Variants in RBFOX1 observed in about 807,000 individuals in gnomAD.
RBFOX1 encodes the protein RNA binding protein fox-1 homolog 1.
RBFOX1 carries 8 observed loss-of-function variants against 57.7 expected under a neutral mutation model. That is an observed-to-expected ratio of 0.14 (90% CI 0.08 to 0.25). The LOEUF (loss-of-function observed/expected upper bound fraction) is 0.25. Among genes scored for constraint, RBFOX1 ranks in the 10% least tolerant of loss-of-function variants. The pLI, the probability that RBFOX1 is intolerant of heterozygous loss-of-function variation, is 1.00. For missense variants in RBFOX1, 611 were observed against 548.5 expected (o/e 1.11, Z -1.14); for synonymous variants, 326 against 222.4 (o/e 1.47, Z -4.15).
intron 1 of RBFOX1, among the ~76,000 whole-genome samples, chr16:6,101,316 A>C (rs997811226): frequency 1.3e-5 from 2 of 152,134 alleles, no homozygotes; most frequent in African/African-American, 4.8e-5. Context: ...ACATGCAGAC[A>C]GTTGTAAAAA....
chr16:5,901,035 C>T (rs1001754544), intron 4 of RBFOX1, among the ~76,000 whole-genome samples: 1 of 152,198 alleles, frequency 6.6e-6, no homozygotes, highest in African/African-American at 2.4e-5. Context: ...GCAGAGATAC[C>T]TGCCTCCTCT....
At chr16:7,246,633 C>CTT (rs56654382) in intron 4 of RBFOX1, among the ~76,000 whole-genome samples, 65 of 105,472 alleles carry the variant, frequency 6.2e-4, no homozygotes, top group South Asian at 5.9e-3. Context: ...TGGTCACCTC[C>CTT]TTTTTTTTTT....
intron 2 of RBFOX1, among the ~76,000 whole-genome samples, chr16:5,514,434 T>A (rs2043715398): frequency 6.6e-6 from 1 of 152,120 alleles, no homozygotes; most frequent in Non-Finnish European, 1.5e-5. Context: ...TCTGCTGCCT[T>A]CTCCTGGACA....
At chr16:5,779,901 G>A (rs1327457740) in intron 3 of RBFOX1, among the ~76,000 whole-genome samples, 1 of 152,152 alleles carries the variant, frequency 6.6e-6, no homozygotes, top group Non-Finnish European at 1.5e-5. Flanking sequence ...TAAAATAAAT[G>A]GAGATGGTAA....
chr16:7,263,275 A>G (rs1231826809), intron 4 of RBFOX1, among the ~76,000 whole-genome samples: 3 of 152,184 alleles, frequency 2.0e-5, no homozygotes, highest in African/African-American at 4.8e-5. Context: ...CAGGAAGCAC[A>G]GGGGAGTTGA....
intron 4 of RBFOX1, among the ~76,000 whole-genome samples, chr16:7,239,087 G>A (rs77127241): frequency 6.6e-6 from 1 of 152,130 alleles, no homozygotes; most frequent in Non-Finnish European, 1.5e-5. Flanking sequence ...ATTGTGAATA[G>A]TGCTGCATTG....
intron 4 of RBFOX1, among the ~76,000 whole-genome samples, chr16:5,912,148 G>C (rs1213313542): frequency 1.3e-5 from 2 of 152,168 alleles, no homozygotes; most frequent in African/African-American, 4.8e-5. Context: ...TCTGCCATTT[G>C]CTAACGTTTG....
intron 2 of RBFOX1, among the ~76,000 whole-genome samples, chr16:5,548,793 C>T (rs896888032): frequency 2.6e-5 from 4 of 152,110 alleles, no homozygotes; most frequent in African/African-American, 4.8e-5. Context: ...CACACTTAAA[C>T]ACTAAATTCA....
At chr16:5,994,475 C>A (rs1238907583) in intron 4 of RBFOX1, among the ~76,000 whole-genome samples, 3 of 152,128 alleles carry the variant, frequency 2.0e-5, no homozygotes, top group African/African-American at 7.2e-5. Flanking sequence ...AGGTCTTGAG[C>A]AAACTGAAAG....
intron 3 of RBFOX1, among the ~76,000 whole-genome samples, chr16:6,772,747 G>A (rs1487762493): frequency 6.6e-6 from 1 of 150,536 alleles, no homozygotes; most frequent in Non-Finnish European, 1.5e-5. Context: ...GGTTTGGAGT[G>A]CATTTGTGTG....
At chr16:5,517,636 T>C (rs2043840848) in intron 2 of RBFOX1, among the ~76,000 whole-genome samples, 1 of 152,192 alleles carries the variant, frequency 6.6e-6, no homozygotes, top group African/African-American at 2.4e-5. Context: ...GGAAATAATG[T>C]TTGGCATCTC....
chr16:5,243,765 A>C (rs893049156), intron 1 of RBFOX1, among the ~76,000 whole-genome samples: 1 of 152,198 alleles, frequency 6.6e-6, no homozygotes, highest in African/African-American at 2.4e-5. Flanking sequence ...TGGAAAATTA[A>C]TACTACTGCA....
chr16:7,222,641 T>C (rs1044008614), intron 4 of RBFOX1, among the ~76,000 whole-genome samples: 4 of 152,204 alleles, frequency 2.6e-5, no homozygotes, highest in African/African-American at 9.6e-5. Flanking sequence ...CATTTACAAG[T>C]TTGTTAGCCC....
At chr16:6,048,143 A>G (rs985926748) in intron 1 of RBFOX1, among the ~76,000 whole-genome samples, 1 of 152,200 alleles carries the variant, frequency 6.6e-6, no homozygotes, top group Non-Finnish European at 1.5e-5. Flanking sequence ...GATTTAATCT[A>G]TATAACAGCT....
At chr16:5,259,285 C>A (rs557579948) in intron 1 of RBFOX1, among the ~76,000 whole-genome samples, 2 of 152,074 alleles carry the variant, frequency 1.3e-5, no homozygotes, top group African/African-American at 4.8e-5. Flanking sequence ...TACACCAATT[C>A]CTGGAGCTCA....
chr16:6,056,268 G>T (rs937946038), intron 1 of RBFOX1, among the ~76,000 whole-genome samples: 1 of 152,054 alleles, frequency 6.6e-6, no homozygotes, highest in Non-Finnish European at 1.5e-5. Context: ...ATAAAGCAAG[G>T]AAATTTGACA....
intron 4 of RBFOX1, among the ~76,000 whole-genome samples, chr16:7,517,898 A>C (rs2076718637): frequency 6.6e-6 from 1 of 151,866 alleles, no homozygotes; most frequent in Non-Finnish European, 1.5e-5. Flanking sequence ...TGGCTTGGAA[A>C]AAGCGACTTT....
At chr16:6,112,016 CT>C (rs2152574750) in intron 1 of RBFOX1, among the ~76,000 whole-genome samples, 1 of 150,068 alleles carries the variant, frequency 6.7e-6, no homozygotes, top group South Asian at 2.1e-4. Context: ...ATTTAGTGAT[CT>C]GATAAAAAAA....
intron 11 of RBFOX1, among the ~76,000 whole-genome samples, chr16:7,632,888 GT>G (rs2061204121): frequency 6.6e-6 from 1 of 151,476 alleles, no homozygotes; most frequent in South Asian, 2.1e-4. Context: ...CTTTACAGAA[GT>G]GAACAAAACA....
Sources: gnomAD v4.1 joint callset for allele counts (sites outside exome capture counted in the v4.1 genomes callset) on GRCh38, gnomAD v4.1.1 for gene constraint, MANE v1.5 for transcripts, NCBI Gene and HGNC (gene_info 2026-07-23, HGNC 2026-07-21) for gene names.